The following GPATCH1 variants were observed in gnomAD, a reference collection of about 807,000 sequenced individuals.
GPATCH1 encodes G patch domain-containing protein 1.
GPATCH1 carries 73 observed loss-of-function variants against 114.9 expected under a neutral mutation model. The observed-to-expected ratio is 0.64, with a 90% CI of 0.53 to 0.77. The LOEUF is 0.77. GPATCH1 is among the 30% of genes least tolerant of loss of function. The pLI is 0.00. For missense variants in GPATCH1, 1,058 were observed against 1,144.3 expected (o/e 0.92, Z 1.09); for synonymous variants, 391 against 428.4 (o/e 0.91, Z 1.08).
rs747960070 is a variant in GPATCH1 at position 33,130,249 on chromosome 19, A to G, written c.*89A>G. On this transcript the variant is annotated 3_prime_UTR_variant, in exon 20 of 20. Transcript: ENST00000170564. ...TCAGTTAACGCATTGTACAGAGTGT[A>G]TTTATATGTAAATTCCTGCTGTAAA... The G allele has an allele frequency of 2.5e-6, 2 of 789,222 alleles. No individual in the cohort carries two copies. Among genetic ancestry groups the G allele is most frequent in the Non-Finnish European group, 4.1e-6 (2 of 484,740 alleles). The allele number at this position is 789,222 out of a possible 1,614,324, so 48.9% of individuals were successfully genotyped here. A position where few individuals can be genotyped will look rare whatever the true frequency, so the allele number is the denominator to read the frequency against.
intron 9 of GPATCH1, among the ~76,000 whole-genome samples, chr19:33,104,473 G>A (rs1258776789): frequency 6.6e-6 from 1 of 152,178 alleles, no homozygotes; most frequent in Non-Finnish European, 1.5e-5. Context: ...ATTTGGGGGT[G>A]TGTCTCCAGA....
intron 10 of GPATCH1, among the ~76,000 whole-genome samples, chr19:33,107,208 A>G (rs538664637): frequency 1.3e-5 from 2 of 152,050 alleles, no homozygotes; most frequent in Non-Finnish European, 2.9e-5. Flanking sequence ...TCAGACTCCC[A>G]TGTTGCTGGG....
In GPATCH1 at chr19:33,119,105, GTCT is replaced by G; in HGVS notation, c.2513_2515del (p.Phe838del). On this transcript the variant is annotated inframe_deletion, in exon 17 of 20. Coordinates refer to ENST00000170564, the MANE Select transcript of GPATCH1 (RefSeq NM_018025.3). The stretch of plus-strand genomic sequence containing the variant: ...AGAGTTCGGCCCGCGGCTGCCTCCC[GTCT>G]TCTGCCCCAGTGAGTGCAGAGCCCT... The G allele has an allele frequency of 6.2e-7, 1 of 1,602,376 alleles. No homozygotes were observed. Among genetic ancestry groups the G allele is most frequent in the Non-Finnish European group, 8.5e-7 (1 of 1,171,524 alleles).
At chr19:33,113,163 G>A (rs1972876507) in intron 13 of GPATCH1, 1 of 155,020 alleles carries the variant, frequency 6.5e-6, no homozygotes, top group African/African-American at 2.4e-5. Context: ...ATAGTAGGCC[G>A]GGTGCAATGG....
At chr19:33,092,511 C>T (rs1364069591) in intron 3 of GPATCH1, among the ~76,000 whole-genome samples, 1 of 152,206 alleles carries the variant, frequency 6.6e-6, no homozygotes, top group Admixed American at 6.5e-5. Context: ...CAAAGCCCCA[C>T]TTCATAATCC....
At chr19:33,089,133 A>G (rs1410008037) in intron 2 of GPATCH1, among the ~76,000 whole-genome samples, 2 of 152,126 alleles carry the variant, frequency 1.3e-5, no homozygotes, top group African/African-American at 4.8e-5. Context: ...TTTGGTTTTT[A>G]TTGTGTCTTG....
At chr19:33,129,222 G>C (rs1208160488) in intron 19 of GPATCH1, among the ~76,000 whole-genome samples, 1 of 151,668 alleles carries the variant, frequency 6.6e-6, no homozygotes, top group African/African-American at 2.4e-5. Context: ...ACTCCAGCCT[G>C]GGTGACAGAG....
intron 10 of GPATCH1, among the ~76,000 whole-genome samples, chr19:33,107,717 T>C (rs1275362771): frequency 2.6e-5 from 4 of 152,114 alleles, no homozygotes; most frequent in Admixed American, 6.6e-5. Context: ...ACAGAACCCT[T>C]GGTTCCCCAC....
chr19:33,113,014 G>C (rs1225816659), intron 13 of GPATCH1: 1 of 163,706 alleles, frequency 6.1e-6, no homozygotes, highest in Non-Finnish European at 1.3e-5. Context: ...GTGTGGTGGT[G>C]CACACTTGTA....
chr19:33,105,411 CAAA>C (rs922660129), intron 9 of GPATCH1, among the ~76,000 whole-genome samples: 5 of 58,528 alleles, frequency 8.5e-5, no homozygotes, highest in Admixed American at 1.8e-4. Flanking sequence ...GACTCTGTCT[CAAA>C]AAAAAAAAAA....
intron 10 of GPATCH1, among the ~76,000 whole-genome samples, chr19:33,109,500 G>A (rs551354044): frequency 3.4e-4 from 52 of 152,224 alleles, no homozygotes; most frequent in African/African-American, 1.1e-3. Flanking sequence ...GCAATAGAGC[G>A]AGACTCCATC....
chr19:33,112,453 A>C, intron 12 of GPATCH1, 33 bp from the exon 13 acceptor site: 1 of 1,612,318 alleles, frequency 6.2e-7, no homozygotes, highest in Non-Finnish European at 8.5e-7. Context: ...TGGTGCGGCC[A>C]CTTGATGGAA....
At chr19:33,101,955 G>A (rs1203185563) in intron 9 of GPATCH1, among the ~76,000 whole-genome samples, 1 of 151,498 alleles carries the variant, frequency 6.6e-6, no homozygotes, top group East Asian at 1.9e-4. Flanking sequence ...CTTGAACCCA[G>A]GAGGTGGAGG....
At chr19:33,100,195 A>G (rs1054963083) in intron 8 of GPATCH1, 1 of 152,138 alleles carries the variant, frequency 6.6e-6, no homozygotes, top group African/African-American at 2.4e-5. Context: ...TGAACTCATA[A>G]ACATGAAATT....
At chr19:33,108,700 C>T (rs564019083) in intron 10 of GPATCH1, among the ~76,000 whole-genome samples, 178 of 152,192 alleles carry the variant, frequency 1.2e-3, no homozygotes, top group African/African-American at 4.1e-3. Context: ...GGGCTTCTTT[C>T]GTGTCTCCAC....
At chr19:33,122,238 C>G (rs556339431) in intron 17 of GPATCH1, among the ~76,000 whole-genome samples, 97 of 152,000 alleles carry the variant, frequency 6.4e-4, no homozygotes, top group African/African-American at 2.3e-3. Flanking sequence ...GAACTTCTAA[C>G]CTCAAGTGAT....
At chr19:33,110,151 T>C in intron 11 of GPATCH1, 135 bp downstream of exon 11, 2 of 742,058 alleles carry the variant, frequency 2.7e-6, no homozygotes, top group South Asian at 4.2e-5. Flanking sequence ...CTGCAAATAG[T>C]GCAAAGGTTT....
chr19:33,121,319 T>C (rs1176130470), intron 17 of GPATCH1, among the ~76,000 whole-genome samples: 2 of 133,228 alleles, frequency 1.5e-5, no homozygotes, highest in Non-Finnish European at 3.0e-5. Flanking sequence ...TCTTTTCTTT[T>C]CTTTTTTTTT....
intron 2 of GPATCH1, among the ~76,000 whole-genome samples, chr19:33,088,949 G>A (rs751414428): frequency 2.6e-5 from 4 of 152,120 alleles, no homozygotes; most frequent in Non-Finnish European, 4.4e-5. Context: ...GAGCCACTGC[G>A]CTCAGCTTTC....
Sources: gnomAD v4.1 joint callset for allele counts (sites outside exome capture counted in the v4.1 genomes callset) on GRCh38, gnomAD v4.1.1 for gene constraint, MANE v1.5 for transcripts, NCBI Gene and HGNC (gene_info 2026-07-23, HGNC 2026-07-21) for gene names.